TMEM233: variants seen among roughly 807,000 people sequenced by gnomAD.
TMEM233 encodes the protein transmembrane protein 233, also known as dispanin subfamily B member 2.
Under a neutral mutation model 11.2 loss-of-function variants are expected in TMEM233, and 6 were observed. The ratio of observed to expected loss-of-function variants is 0.54; its 90% CI spans 0.29 to 1.06. The LOEUF (loss-of-function observed/expected upper bound fraction) is 1.06, where lower values mean the gene tolerates loss of function less well. TMEM233 is among the 50% of genes least tolerant of loss of function. TMEM233 has a pLI of 0.08. For synonymous variants in TMEM233, 59 were observed against 55.8 expected, an observed-to-expected ratio of 1.06 and a Z score of -0.26; for missense variants, 127 against 144.7, an observed-to-expected ratio of 0.88 and a Z score of 0.63.
chr12:119,631,473 A>C, intron 2 of TMEM233: 1 of 984,754 alleles, frequency 1.0e-6, no homozygotes, highest in Non-Finnish European at 1.2e-6. Context: ...AAGAAAATTA[A>C]ATGGCTTTGG....
At chr12:119,634,135 G>A (rs1325463436) in intron 2 of TMEM233, 10 of 411,138 alleles carry the variant, frequency 2.4e-5, no homozygotes, top group Non-Finnish European at 3.3e-5. Flanking sequence ...CTAATCTGCT[G>A]TCTAACCCAA....
intron 1 of TMEM233, among the ~76,000 whole-genome samples, chr12:119,624,016 T>G (rs1474199715): frequency 6.6e-6 from 1 of 152,068 alleles, no homozygotes; most frequent in African/African-American, 2.4e-5. Context: ...TTAAGGATAG[T>G]TACATAGACC....
chr12:119,648,229 CA>C, the TMEM233 span, among the ~76,000 whole-genome samples: 16 of 152,236 alleles, frequency 1.1e-4, no homozygotes, highest in Admixed American at 6.5e-4. Flanking sequence ...CCACCACTAA[CA>C]ATATTTTTAT....
At chr12:119,651,472 G>A in the TMEM233 span, among the ~76,000 whole-genome samples, 14 of 151,984 alleles carry the variant, frequency 9.2e-5, no homozygotes, top group African/African-American at 1.9e-4. Flanking sequence ...TGACCATTCC[G>A]AAAAAAACTG....
chr12:119,595,837 T>C lies in TMEM233; in HGVS notation c.186+1803T>C, dbSNP rs2136662686. The stretch of plus-strand genomic sequence containing the variant: ...CTTTTGACCAAATTACTTCTCTCCA[T>C]CTGATATAGTATTTTAATTATTTGT... On this transcript the variant is annotated intron_variant, in intron 1 of 2. Transcript: ENST00000426426. The surrounding 1 kb of genome is among the most constrained non-coding windows in gnomAD (Gnocchi z 4.3). Among the ~76,000 whole-genome samples the C allele has an allele frequency of 6.6e-6, 1 of 152,300 alleles. No homozygotes were observed. The highest frequency in any genetic ancestry group is 6.5e-5 in the Admixed American group (1 of 15,306).
At chr12:119,599,374 C>T (rs970177762) in intron 1 of TMEM233, among the ~76,000 whole-genome samples, 2 of 152,046 alleles carry the variant, frequency 1.3e-5, no homozygotes, top group Non-Finnish European at 2.9e-5. Flanking sequence ...CATTGCATGC[C>T]TGTATCAAAA....
chr12:119,603,199 A>T (rs1472602689), intron 1 of TMEM233, among the ~76,000 whole-genome samples: 1 of 151,958 alleles, frequency 6.6e-6, no homozygotes, highest in Non-Finnish European at 1.5e-5. Context: ...TGAGCCCAGG[A>T]GGCAGAGGTT....
intron 1 of TMEM233, among the ~76,000 whole-genome samples, chr12:119,603,838 G>A (rs1593279025): frequency 6.6e-6 from 1 of 152,218 alleles, no homozygotes; most frequent in Non-Finnish European, 1.5e-5. Flanking sequence ...TGACTACATA[G>A]GCCAAAGTCT....
the TMEM233 span, among the ~76,000 whole-genome samples, chr12:119,653,391 CAA>C: frequency 3.3e-3 from 266 of 81,404 alleles, 2 homozygotes; most frequent in African/African-American, 0.012. Flanking sequence ...GACGCCACCT[CAA>C]AAAAAAAAAA....
chr12:119,614,712 G>A (rs7963332), intron 1 of TMEM233, among the ~76,000 whole-genome samples: 56,547 of 151,890 alleles, frequency 0.37, 11,564 homozygotes, highest in African/African-American at 0.52. Flanking sequence ...AACACTGTTT[G>A]ACTGTTGGTG....
At position 119,593,871 on chromosome 12, in the gene TMEM233, C is replaced by T. The variant is rs901687720; in HGVS notation, c.23C>T (p.Pro8Leu). 1.9e-5 allele frequency: 30 copies of T among 1,551,574 alleles called. No individual in the cohort carries two copies. The highest frequency in any genetic ancestry group is 2.4e-5 in the Non-Finnish European group (28 of 1,146,978). Residue 8 changes from proline (P) to leucine (L), a missense_variant, in exon 1 of 3, where the codon CCG (proline) becomes CTG (leucine). Physicochemically the swap from Pro to Leu is moderately conservative, Grantham distance 98. Coordinates refer to ENST00000426426, the MANE Select transcript of TMEM233 (RefSeq NM_001136534.3). The surrounding 1 kb of genome is among the most constrained non-coding windows in gnomAD (Gnocchi z 4.1). MSQYAPS[P>L]DFKRALDSSP... Reference sequence around the variant, plus strand: ...CCCATGTCTCAGTACGCCCCTAGCCCGGACTTCAAGAGGGCTTTGGACAGC... The same window carrying T: ...CCCATGTCTCAGTACGCCCCTAGCCTGGACTTCAAGAGGGCTTTGGACAGC...
At position 119,595,982 on chromosome 12, in the gene TMEM233, G is replaced by T. The variant is rs910683668; in HGVS notation, c.186+1948G>T. Among the ~76,000 whole-genome samples the T allele has an allele frequency of 1.3e-5, 2 of 152,172 alleles. No individual in the cohort carries two copies. The highest frequency in any genetic ancestry group is 2.9e-5 in the Non-Finnish European group (2 of 68,034). On this transcript the variant is annotated intron_variant, in intron 1 of 2. Coordinates refer to ENST00000426426, the MANE Select transcript of TMEM233 (RefSeq NM_001136534.3). This position sits in a 1 kb window ranked among gnomAD's most constrained non-coding sequence, Gnocchi z 4.3. ...GTGGCACGTGGTAGATGCTTAATAA[G>T]TATCATGAAATGAATGCATGCATGA...
Position 119,594,274 on chromosome 12 carries a change from CT to C in TMEM233, c.186+241del. 2.0e-6 allele frequency: 1 copy of C among 493,956 alleles called. No homozygotes were observed. Among genetic ancestry groups the C allele is most frequent in the South Asian group, 3.2e-5 (1 of 31,570 alleles). The allele number at this position is 493,956 out of a possible 1,614,324, so 30.6% of individuals were successfully genotyped here. A position where few individuals can be genotyped will look rare whatever the true frequency, so the allele number is the denominator to read the frequency against. ...GAGCCCTGATCAAGCTTCCCCCAGG[CT>C]AGCTTTCCTCTTCTTTCCAGCTCCC... On this transcript the variant is annotated intron_variant, in intron 1 of 2. Coordinates refer to ENST00000426426, the MANE Select transcript of TMEM233 (RefSeq NM_001136534.3). This position sits in a 1 kb window ranked among gnomAD's most constrained non-coding sequence, Gnocchi z 5.6.
chr12:119,649,784 T>A, the TMEM233 span, among the ~76,000 whole-genome samples: 3 of 151,310 alleles, frequency 2.0e-5, no homozygotes, highest in Admixed American at 6.6e-5. Context: ...TCAGCGGGGC[T>A]TGTTCTTCAG....
At chr12:119,639,405 CAGG>C (rs1232784406) in intron 2 of TMEM233, among the ~76,000 whole-genome samples, 1 of 151,380 alleles carries the variant, frequency 6.6e-6, no homozygotes, top group African/African-American at 2.4e-5. Context: ...ATCACAAGGT[CAGG>C]AGATCGATAC....
intron 1 of TMEM233, among the ~76,000 whole-genome samples, chr12:119,618,813 AACTTGG>A (rs1954588152): frequency 6.6e-6 from 1 of 152,034 alleles, no homozygotes; most frequent in Admixed American, 6.6e-5. Flanking sequence ...CTCAGATGAG[AACTTGG>A]ACTTGGACTT....
chr12:119,631,632 T>G (rs970718717), intron 2 of TMEM233: 2 of 985,330 alleles, frequency 2.0e-6, no homozygotes, highest in African/African-American at 3.5e-5. Flanking sequence ...AGAGAAGGTG[T>G]AAGGTGCTTG....
At chr12:119,632,126 A>G (rs1954897747) in intron 2 of TMEM233, among the ~76,000 whole-genome samples, 1 of 152,246 alleles carries the variant, frequency 6.6e-6, no homozygotes, top group African/African-American at 2.4e-5. Context: ...GGTTATAATA[A>G]TAGCAGCTGA....
intron 1 of TMEM233, among the ~76,000 whole-genome samples, chr12:119,601,382 T>A (rs1954159745): frequency 6.6e-6 from 1 of 151,928 alleles, no homozygotes; most frequent in Non-Finnish European, 1.5e-5. Context: ...GAAGGCCAGG[T>A]GCGGTGGCTC....
Sources: gnomAD v4.1 joint callset for allele counts (sites outside exome capture counted in the v4.1 genomes callset) on GRCh38, gnomAD v4.1.1 for gene constraint, Gnocchi (gnomAD v3.1) non-coding constraint, MANE v1.5 for transcripts, NCBI Gene and HGNC (gene_info 2026-07-23, HGNC 2026-07-21) for gene names.